The following COX7B2 variants were observed in gnomAD, a reference collection of about 807,000 sequenced individuals.
The protein encoded by COX7B2 is cytochrome c oxidase subunit 7B2.
For missense variants in COX7B2, 109 were observed against 95.9 expected (o/e 1.14, Z -0.57); for synonymous variants, 37 against 32.1 (o/e 1.15, Z -0.51).
intron 1 of COX7B2, among the ~76,000 whole-genome samples, chr4:46,906,248 A>C (rs1720388581): frequency 6.6e-6 from 1 of 152,152 alleles, no homozygotes; most frequent in African/African-American, 2.4e-5. Context: ...TTTCAGCTGG[A>C]AAATCACTCT....
chr4:46,792,236 G>A (rs528333916), intron 2 of COX7B2, among the ~76,000 whole-genome samples: 1 of 152,226 alleles, frequency 6.6e-6, no homozygotes, highest in South Asian at 2.1e-4. Context: ...TATTGAACCT[G>A]GAATTCTTGT....
intron 2 of COX7B2, among the ~76,000 whole-genome samples, chr4:46,835,263 C>T (rs954244673): frequency 2.0e-5 from 3 of 152,022 alleles, no homozygotes; most frequent in African/African-American, 7.2e-5. Context: ...AATACTTGCA[C>T]ACAGACATGA....
At chr4:46,804,909 C>G (rs929865757) in intron 2 of COX7B2, among the ~76,000 whole-genome samples, 1 of 152,284 alleles carries the variant, frequency 6.6e-6, no homozygotes, top group East Asian at 1.9e-4. Context: ...GCTCAGGCTG[C>G]GTGGGAGCCC....
chr4:46,831,970 C>G (rs560674238), intron 2 of COX7B2, among the ~76,000 whole-genome samples: 12 of 152,284 alleles, frequency 7.9e-5, no homozygotes, highest in African/African-American at 2.9e-4. Context: ...ACTTTTGTGT[C>G]TAGCTCAGGA....
intron 2 of COX7B2, among the ~76,000 whole-genome samples, chr4:46,827,674 A>C (rs867829687): frequency 6.6e-6 from 1 of 152,192 alleles, no homozygotes; most frequent in Admixed American, 6.6e-5. Flanking sequence ...ACTGAAAAAA[A>C]GTGATTCCAA....
chr4:46,760,074 T>C (rs1716056542), intron 2 of COX7B2, among the ~76,000 whole-genome samples: 1 of 151,994 alleles, frequency 6.6e-6, no homozygotes, highest in Non-Finnish European at 1.5e-5. Context: ...TGGGAATGAC[T>C]GACAAATAAA....
At chr4:46,882,399 GTCT>G (rs1380199799) in intron 1 of COX7B2, among the ~76,000 whole-genome samples, 1 of 152,170 alleles carries the variant, frequency 6.6e-6, no homozygotes, top group African/African-American at 2.4e-5. Context: ...GGGTGTTGAA[GTCT>G]TCTACTATTA....
chr4:46,876,404 CTTTT>C (rs1213695191), intron 1 of COX7B2, among the ~76,000 whole-genome samples: 3 of 128,094 alleles, frequency 2.3e-5, no homozygotes, highest in Admixed American at 7.9e-5. Flanking sequence ...GTCCTATTGT[CTTTT>C]TTTTTTTTTT....
intron 1 of COX7B2, among the ~76,000 whole-genome samples, chr4:46,873,421 C>A (rs1718128532): frequency 6.6e-6 from 1 of 152,126 alleles, no homozygotes; most frequent in South Asian, 2.1e-4. Context: ...AATGGTTGAA[C>A]TAATTTACAC....
chr4:46,743,719 G>GA (rs894851931), intron 2 of COX7B2, among the ~76,000 whole-genome samples: 6 of 152,136 alleles, frequency 3.9e-5, no homozygotes, highest in Admixed American at 3.9e-4. Flanking sequence ...CTTTGAGAGG[G>GA]ATGGCATGTG....
intron 1 of COX7B2, among the ~76,000 whole-genome samples, chr4:46,881,247 C>T (rs985573124): frequency 2.0e-5 from 3 of 152,056 alleles, no homozygotes; most frequent in Admixed American, 1.3e-4. Flanking sequence ...TTTAGGGAGA[C>T]ATGAGACACC....
At position 46,762,274 on chromosome 4, in the gene COX7B2, A is replaced by C. The variant is rs1716215052; in HGVS notation, c.-49-27033T>G. On this transcript the variant is annotated intron_variant, in intron 2 of 2. Coordinates refer to ENST00000355591, the MANE Select transcript of COX7B2 (RefSeq NM_130902.3). Reference sequence around the variant, plus strand: ...ATTTAATATATAATATATTTAATATATATGTAACATATATAAAATATATAT... The same window carrying C: ...ATTTAATATATAATATATTTAATATCTATGTAACATATATAAAATATATAT... 3.6e-5 allele frequency among the ~76,000 whole-genome samples: 5 copies of C among 140,186 alleles called. No individual in the cohort carries two copies. In the Admixed American group the frequency reaches 3.9e-4, roughly 11 times the overall value. 92.0% of individuals were successfully genotyped at this position (140,186 alleles called of 152,430 possible). A position where few individuals can be genotyped will look rare whatever the true frequency, so the allele number is the denominator to read the frequency against.
At chr4:46,816,888 T>C (rs1013575069) in intron 2 of COX7B2, among the ~76,000 whole-genome samples, 1 of 152,190 alleles carries the variant, frequency 6.6e-6, no homozygotes, top group Non-Finnish European at 1.5e-5. Context: ...TCCTTGTAGC[T>C]TGTTTGTGAG....
chr4:46,828,350 A>C (rs1258098567), intron 2 of COX7B2, among the ~76,000 whole-genome samples: 1 of 152,184 alleles, frequency 6.6e-6, no homozygotes, highest in African/African-American at 2.4e-5. Context: ...ATTCCCTACT[A>C]AAGAAGCACA....
At chr4:46,765,357 C>A (rs1280279113) in intron 2 of COX7B2, among the ~76,000 whole-genome samples, 1 of 152,156 alleles carries the variant, frequency 6.6e-6, no homozygotes, top group African/African-American at 2.4e-5. Flanking sequence ...TCAGTTTTGC[C>A]ATGGACGCTA....
At chr4:46,809,254 C>T (rs982883258) in intron 2 of COX7B2, among the ~76,000 whole-genome samples, 1 of 151,578 alleles carries the variant, frequency 6.6e-6, no homozygotes, top group Admixed American at 6.6e-5. Context: ...GTTTTATTTA[C>T]TCTTCATATG....
At chr4:46,816,393 G>A (rs1719552819) in intron 2 of COX7B2, among the ~76,000 whole-genome samples, 1 of 151,938 alleles carries the variant, frequency 6.6e-6, no homozygotes, top group South Asian at 2.1e-4. Context: ...CCACTAAAAT[G>A]CGACCACATT....
At chr4:46,819,717 T>C (rs929436942) in intron 2 of COX7B2, among the ~76,000 whole-genome samples, 2 of 152,222 alleles carry the variant, frequency 1.3e-5, no homozygotes, top group Non-Finnish European at 2.9e-5. Flanking sequence ...AAACAGTATA[T>C]AATTCTACTT....
At chr4:46,861,440 T>C (rs1283025289) in intron 1 of COX7B2, among the ~76,000 whole-genome samples, 3 of 152,166 alleles carry the variant, frequency 2.0e-5, no homozygotes, top group Non-Finnish European at 4.4e-5. Context: ...AGAACCTTGT[T>C]AGACATGTGG....
Sources: gnomAD v4.1 joint callset for allele counts (sites outside exome capture counted in the v4.1 genomes callset) on GRCh38, gnomAD v4.1.1 for gene constraint, MANE v1.5 for transcripts, NCBI Gene and HGNC (gene_info 2026-07-23, HGNC 2026-07-21) for gene names.